Variants in VTI1A observed in about 807,000 individuals in gnomAD.
VTI1A encodes the protein vesicle transport through interaction with t-SNAREs homolog 1A.
A neutral mutation model predicts 34.9 loss-of-function variants in VTI1A; 22 were observed. The ratio of observed to expected loss-of-function variants is 0.63; its 90% CI spans 0.45 to 0.90. The LOEUF (loss-of-function observed/expected upper bound fraction) is 0.90, where lower values mean the gene tolerates loss of function less well. Among genes scored for constraint, VTI1A ranks in the 40% least tolerant of loss-of-function variants. The pLI is 0.00. For missense variants in VTI1A, 268 were observed against 275.6 expected, an observed-to-expected ratio of 0.97 and a Z score of 0.20; for synonymous variants, 87 against 97.3, an observed-to-expected ratio of 0.89 and a Z score of 0.62.
intron 5 of VTI1A, among the ~76,000 whole-genome samples, chr10:112,575,944 G>C (rs531001431): frequency 1.3e-3 from 197 of 151,536 alleles, no homozygotes; most frequent in Middle Eastern, 0.01. Context: ...AACCTCTCGT[G>C]AATTTTTCTT....
At chr10:112,563,965 T>C (rs1396120924) in intron 5 of VTI1A, among the ~76,000 whole-genome samples, 1 of 152,162 alleles carries the variant, frequency 6.6e-6, no homozygotes, top group Admixed American at 6.6e-5. Flanking sequence ...AAATTGACAG[T>C]GCATTTAAAT....
chr10:112,458,595 T>C (rs1847622536), intron 1 of VTI1A, among the ~76,000 whole-genome samples: 1 of 152,046 alleles, frequency 6.6e-6, no homozygotes, highest in African/African-American at 2.4e-5. Flanking sequence ...TTAAGATTAG[T>C]AGAATCTACT....
chr10:112,781,997 T>C (rs1852144523), intron 7 of VTI1A, among the ~76,000 whole-genome samples: 1 of 152,188 alleles, frequency 6.6e-6, no homozygotes, highest in Non-Finnish European at 1.5e-5. Flanking sequence ...CAGCATCTCC[T>C]TTCCTAGAAG....
intron 3 of VTI1A, among the ~76,000 whole-genome samples, chr10:112,495,489 G>A (rs1474826679): frequency 6.6e-6 from 1 of 152,110 alleles, no homozygotes; most frequent in African/African-American, 2.4e-5. Flanking sequence ...AGTTGGGAGA[G>A]ACTAGGGGTG....
At chr10:112,712,456 A>G (rs1849452650) in intron 7 of VTI1A, among the ~76,000 whole-genome samples, 1 of 148,876 alleles carries the variant, frequency 6.7e-6, no homozygotes, top group Non-Finnish European at 1.5e-5. Flanking sequence ...TAATACAGCT[A>G]AATGAGATCA....
At chr10:112,636,251 A>T (rs1425457377) in intron 5 of VTI1A, among the ~76,000 whole-genome samples, 1 of 152,236 alleles carries the variant, frequency 6.6e-6, no homozygotes, top group Non-Finnish European at 1.5e-5. Context: ...TTGTAGACCA[A>T]TAATCTTGAG....
At chr10:112,672,892 A>G (rs1847899423) in intron 7 of VTI1A, 1 of 152,250 alleles carries the variant, frequency 6.6e-6, no homozygotes, top group Non-Finnish European at 1.5e-5. Flanking sequence ...TTCTAAAAGT[A>G]TATGAACAAT....
the VTI1A span, among the ~76,000 whole-genome samples, chr10:112,833,559 G>A: frequency 6.6e-6 from 1 of 152,144 alleles, no homozygotes; most frequent in African/African-American, 2.4e-5. Context: ...CCCATCTGTA[G>A]ATTAATGATA....
intron 7 of VTI1A, among the ~76,000 whole-genome samples, chr10:112,697,781 A>C (rs780778773): frequency 6.6e-6 from 1 of 151,876 alleles, no homozygotes; most frequent in Non-Finnish European, 1.5e-5. Flanking sequence ...TTACTGGTTT[A>C]TTTTGTTGAT....
chr10:112,651,728 G>A (rs892500544), intron 5 of VTI1A, among the ~76,000 whole-genome samples: 7 of 152,116 alleles, frequency 4.6e-5, no homozygotes, highest in Admixed American at 2.6e-4. Flanking sequence ...ATACACTTTC[G>A]GTGTGTCAGG....
At chr10:112,473,840 T>C (rs888443278) in intron 3 of VTI1A, among the ~76,000 whole-genome samples, 10 of 152,190 alleles carry the variant, frequency 6.6e-5, no homozygotes, top group Non-Finnish European at 1.5e-4. Context: ...ATAAGAAATA[T>C]ACTGTTGTTT....
intron 5 of VTI1A, among the ~76,000 whole-genome samples, chr10:112,597,886 G>A (rs562842402): frequency 1.4e-3 from 209 of 150,582 alleles, no homozygotes; most frequent in African/African-American, 4.5e-3. Context: ...TTTAGTAGAG[G>A]CGGGGTTTCA....
chr10:112,839,321 G>C, the VTI1A span, among the ~76,000 whole-genome samples: 9 of 152,188 alleles, frequency 5.9e-5, no homozygotes, highest in Admixed American at 5.2e-4. Context: ...AGTGATGGGG[G>C]TGGGGTCCCG....
At chr10:112,715,388 G>GA (rs1332748976) in intron 7 of VTI1A, among the ~76,000 whole-genome samples, 3 of 151,800 alleles carry the variant, frequency 2.0e-5, no homozygotes, top group Admixed American at 6.6e-5. Flanking sequence ...CAGTTTTACA[G>GA]AAAAAAAATT....
chr10:112,645,685 A>G (rs1027053187), intron 5 of VTI1A, among the ~76,000 whole-genome samples: 1 of 152,224 alleles, frequency 6.6e-6, no homozygotes, highest in Non-Finnish European at 1.5e-5. Flanking sequence ...TGAGTGGAAT[A>G]AATAACTTCT....
At position 112,811,712 on chromosome 10, in the gene VTI1A, A is replaced by AAAAAAAAAAAAAAAAGAT. The variant is rs67154330; in HGVS notation, c.561-3578_561-3577insAAAAAAAAAAAAAAAGAT. 6.2e-4 allele frequency among the ~76,000 whole-genome samples: 52 copies of AAAAAAAAAAAAAAAAGAT among 84,044 alleles called. 18 individuals carry two copies. Among genetic ancestry groups the AAAAAAAAAAAAAAAAGAT allele is most frequent in the African/African-American group, 1.7e-3 (36 of 21,076 alleles). The allele number at this position is 84,044 out of a possible 152,430, so 55.1% of individuals were successfully genotyped here. On this transcript the variant is annotated intron_variant, in intron 7 of 7. Transcript: ENST00000393077. ...AAAAAAAAAAAAAAAAAAAAAAAAA[A>AAAAAAAAAAAAAAAAGAT]GAGTGCAGTCCATGCCTGGAAGTAG...
At chr10:112,581,575 G>T (rs1843939751) in intron 5 of VTI1A, among the ~76,000 whole-genome samples, 1 of 152,140 alleles carries the variant, frequency 6.6e-6, no homozygotes, top group Non-Finnish European at 1.5e-5. Context: ...ACAATGCAAG[G>T]TATATATTAA....
chr10:112,689,891 A>G (rs1848555927), intron 7 of VTI1A, among the ~76,000 whole-genome samples: 1 of 152,062 alleles, frequency 6.6e-6, no homozygotes, highest in Admixed American at 6.5e-5. Flanking sequence ...CCCTCACTCC[A>G]GAAGTTTCCT....
At chr10:112,595,400 G>A (rs1473153891) in intron 5 of VTI1A, among the ~76,000 whole-genome samples, 5 of 150,788 alleles carry the variant, frequency 3.3e-5, no homozygotes, top group Admixed American at 6.6e-5. Flanking sequence ...GAAAATTTTC[G>A]CAACCTACTC....
Sources: gnomAD v4.1 joint callset for allele counts (sites outside exome capture counted in the v4.1 genomes callset) on GRCh38, gnomAD v4.1.1 for gene constraint, MANE v1.5 for transcripts, NCBI Gene and HGNC (gene_info 2026-07-23, HGNC 2026-07-21) for gene names.